The following SOX10 variants were observed in gnomAD, a reference collection of about 807,000 sequenced individuals.
SOX10 encodes the protein SRY-box transcription factor 10.
A neutral mutation model predicts 35.0 loss-of-function variants in SOX10; 3 were observed. That is an observed-to-expected ratio of 0.09 (90% CI 0.04 to 0.22). The LOEUF is 0.22. Among genes scored for constraint, SOX10 ranks in the 10% least tolerant of loss-of-function variants. SOX10 has a pLI of 1.00. For synonymous variants in SOX10, 285 were observed against 291.0 expected (o/e 0.98, Z 0.21); for missense variants, 436 against 655.1 (o/e 0.67, Z 3.65).
Position 37,974,249 on chromosome 22 carries a change from A to AG in SOX10, c.698-52dup. On this transcript the variant is annotated intron_variant, in intron 3 of 3. Coordinates refer to ENST00000396884, the MANE Select transcript of SOX10 (RefSeq NM_006941.4). This position sits in a 1 kb window ranked among gnomAD's most constrained non-coding sequence, Gnocchi z 5.4. ...AGAGCGCAAGGGGGAAGCAGGTTAGAGGCAGGTGGGCGCACGTGAACTTCC... is the reference window on the plus strand; with the variant it reads ...AGAGCGCAAGGGGGAAGCAGGTTAGAGGGCAGGTGGGCGCACGTGAACTTCC... 5 of 1,441,354 alleles carry AG rather than the reference A, an allele frequency of 3.5e-6. No homozygotes were observed. Among genetic ancestry groups the AG allele is most frequent in the Non-Finnish European group, 4.8e-6 (5 of 1,050,056 alleles). 89.3% of individuals were successfully genotyped at this position (1,441,354 alleles called of 1,614,324 possible).
At position 37,978,462 on chromosome 22, in the gene SOX10, A is replaced by C. The variant is rs1372407733; in HGVS notation, c.429-327T>G. On this transcript the variant is annotated intron_variant, in intron 2 of 3. Transcript: ENST00000396884. This position sits in a 1 kb window ranked among gnomAD's most constrained non-coding sequence, Gnocchi z 5.0. The stretch of plus-strand genomic sequence containing the variant: ...GTTTCAAGGGGCAGATGCCAGTTCA[A>C]GGAAAGGAAAAACTTTCTCATCATC... Among the ~76,000 whole-genome samples, 1 of 152,244 alleles carries C rather than the reference A, an allele frequency of 6.6e-6. No individual in the cohort carries two copies. The highest frequency in any genetic ancestry group is 1.5e-5 in the Non-Finnish European group (1 of 68,052).
At chr22:37,979,261 C>T (rs192026612) in intron 2 of SOX10, among the ~76,000 whole-genome samples, 2 of 147,402 alleles carry the variant, frequency 1.4e-5, no homozygotes, top group East Asian at 2.1e-4. Flanking sequence ...CCATGCCTGG[C>T]TAATTTTTGT....
intron 3 of SOX10, among the ~76,000 whole-genome samples, chr22:37,975,390 G>A (rs1046426682): frequency 9.2e-5 from 14 of 152,154 alleles, no homozygotes; most frequent in African/African-American, 3.1e-4. Flanking sequence ...TGTCTGAGTG[G>A]GGTGGGGCCT....
Position 37,973,484 on chromosome 22 carries a change from C to T in SOX10, c.*11G>A. 2 of 1,549,324 alleles carry T rather than the reference C, an allele frequency of 1.3e-6. No individual in the cohort carries two copies. The highest frequency in any genetic ancestry group is 1.8e-6 in the Non-Finnish European group (2 of 1,141,166). On this transcript the variant is annotated 3_prime_UTR_variant, in exon 4 of 4. Transcript: ENST00000396884. ...GGGGCTGGGCGGGGGGTGGTGGCGA[C>T]AGGGCCCCCTTTAGGGCCGGGACAG...
In SOX10 at chr22:37,980,917, CA is replaced by C. The variant is rs1932376835; in HGVS notation, c.428+2439del. Among the ~76,000 whole-genome samples, 1 of 152,316 alleles carries C rather than the reference CA, an allele frequency of 6.6e-6. No individual in the cohort carries two copies. Among genetic ancestry groups the C allele is most frequent in the South Asian group, 2.1e-4 (1 of 4,826 alleles). ...CTGGGAACAGAGGCTGGGTGACCCC[CA>C]CCACACAGGAGGGACTCTTGCCTGT... is the stretch of plus-strand genomic sequence containing the variant. On this transcript the variant is annotated intron_variant, in intron 2 of 3. Transcript: ENST00000396884. This position sits in a 1 kb window ranked among gnomAD's most constrained non-coding sequence, Gnocchi z 4.1.
intron 2 of SOX10, among the ~76,000 whole-genome samples, chr22:37,981,958 A>C (rs1168387025): frequency 6.6e-6 from 1 of 152,146 alleles, no homozygotes; most frequent in Non-Finnish European, 1.5e-5. Flanking sequence ...CGGGATGTGA[A>C]TCTTTTGGTC....
At position 37,983,823 on chromosome 22, in the gene SOX10, C is replaced by T. The variant is rs1289952577; in HGVS notation, c.-39G>A. ...GCCGCCGCCGCCGCCTCGGCCGCCT[C>T]CCCCGGGCCAGCCGCCGGGGTCCTC... On this transcript the variant is annotated 5_prime_UTR_variant, in exon 2 of 4. Coordinates refer to ENST00000396884, the MANE Select transcript of SOX10 (RefSeq NM_006941.4). The surrounding 1 kb of genome is among the most constrained non-coding windows in gnomAD (Gnocchi z 9.5). 10 of 1,371,954 alleles carry T rather than the reference C, an allele frequency of 7.3e-6. No homozygotes were observed. The Admixed American group carries it at 2.3e-4, about 32-fold the overall frequency. 85.0% of individuals were successfully genotyped at this position (1,371,954 alleles called of 1,614,324 possible).
At position 37,978,058 on chromosome 22, in the gene SOX10, G is replaced by A. The variant is rs2145768498; in HGVS notation, c.506C>T (p.Pro169Leu). ...RLRMQHKKDH[P>L]DYKYQPRRRK... is the part of the protein sequence containing the mutation. ...CCGCCTGGGCTGGTACTTGTAGTCC[G>A]GGTGGTCTTTCTTGTGCTGCATACG... The change falls in exon 3 of 4, where the codon CCG becomes CTG. Residue 169 changes from proline to leucine, a missense_variant. Physicochemically the swap from Pro to Leu is moderately conservative, Grantham distance 98. This residue lies in a region of SOX10 where 54 missense variants were observed against 156.7 expected (regional missense o/e 0.34). Transcript: ENST00000396884. This position sits in a 1 kb window ranked among gnomAD's most constrained non-coding sequence, Gnocchi z 5.0. 1 of 1,610,038 alleles carries A rather than the reference G, an allele frequency of 6.2e-7. No homozygotes were observed.
chr22:37,983,937 G>T lies in SOX10; in HGVS notation c.-84-69C>A. The stretch of plus-strand genomic sequence containing the variant: ...CCGAGGGCGGCCCGAGACAGGACGT[G>T]GGCACAGCCCCGAGGTGGCGGCCCT... On this transcript the variant is annotated intron_variant, in intron 1 of 3. Transcript: ENST00000396884. This position sits in a 1 kb window ranked among gnomAD's most constrained non-coding sequence, Gnocchi z 9.5. The T allele has an allele frequency of 2.0e-6, 1 of 509,538 alleles. No individual in the cohort carries two copies. The highest frequency in any genetic ancestry group is 4.0e-5 in the South Asian group (1 of 25,232). 31.6% of individuals were successfully genotyped at this position (509,538 alleles called of 1,614,324 possible).
intron 3 of SOX10, among the ~76,000 whole-genome samples, chr22:37,976,177 G>GGCACCGCT (rs1210419112): frequency 3.9e-5 from 6 of 152,112 alleles, no homozygotes; most frequent in Non-Finnish European, 5.9e-5. Context: ...GAACCAAGAT[G>GGCACCGCT]GCACCGCTGC....
Position 37,983,410 on chromosome 22 carries a change from C to A in SOX10, c.375G>T (p.Gln125His). 6.2e-7 allele frequency: 1 copy of A among 1,610,932 alleles called. No individual in the cohort carries two copies. The highest frequency in any genetic ancestry group is 8.5e-7 in the Non-Finnish European group (1 of 1,179,080). The change falls in exon 2 of 4, where the codon CAG (glutamine) becomes CAT (histidine). Residue 125 changes from glutamine to histidine, a missense_variant. By Grantham distance (24) the Gln-to-His change is conservative (BLOSUM62 0). Transcript: ENST00000396884. The surrounding 1 kb of genome is among the most constrained non-coding windows in gnomAD (Gnocchi z 9.5). ...AQAARRKLAD[Q>H]YPHLHNAELS... is the part of the protein sequence containing the mutation. ...GCTCAGCGTTGTGCAGGTGCGGGTA[C>A]TGGTCCGCGAGCTTCCTGCGCGCTG...
chr22:37,983,560 G>C lies in SOX10; in HGVS notation c.225C>G (p.Ala75=). 1 of 1,610,252 alleles carries C rather than the reference G, an allele frequency of 6.2e-7. No homozygotes were observed. Among genetic ancestry groups the C allele is most frequent in the South Asian group, 1.1e-5 (1 of 90,702 alleles). Residue 75 remains alanine (A), a synonymous_variant, in exon 2 of 4, where the codon GCC becomes GCG. Transcript: ENST00000396884. The surrounding 1 kb of genome is among the most constrained non-coding windows in gnomAD (Gnocchi z 9.5). ...DDKFPVCIRE[A]VSQVLSGYDW... is the part of the protein sequence containing the mutation. ...CGTAGCCGCTGAGCACCTGGCTGACGGCCTCGCGGATGCACACGGGGAACT... is the reference window on the plus strand; with the variant it reads ...CGTAGCCGCTGAGCACCTGGCTGACCGCCTCGCGGATGCACACGGGGAACT...
chr22:37,976,802 A>ATTAT (rs1386914914), intron 3 of SOX10, among the ~76,000 whole-genome samples: 1 of 152,198 alleles, frequency 6.6e-6, no homozygotes. Flanking sequence ...GTAGCTGCTC[A>ATTAT]ATTAAGGTTA....
chr22:37,982,679 GAA>G (rs1424774478), intron 2 of SOX10, among the ~76,000 whole-genome samples: 6 of 152,220 alleles, frequency 3.9e-5, no homozygotes, highest in Non-Finnish European at 8.8e-5. Context: ...GGAGAGGGAG[GAA>G]AGAGATCAGC....
Position 37,972,387 on chromosome 22 carries a change from G to T in SOX10, c.*1108C>A. 1 of 431,608 alleles carries T rather than the reference G, an allele frequency of 2.3e-6. No homozygotes were observed. Among genetic ancestry groups the T allele is most frequent in the South Asian group, 1.9e-5 (1 of 53,150 alleles). The allele number at this position is 431,608 out of a possible 1,614,324, so 26.7% of individuals were successfully genotyped here. The stretch of plus-strand genomic sequence containing the variant: ...AGGGGCTAGAGTGGCTAGGAGAGGG[G>T]ACTACTGAGATAAATAACAGGAGAC... On this transcript the variant is annotated 3_prime_UTR_variant, in exon 4 of 4. Transcript: ENST00000396884.
In SOX10 at chr22:37,973,239, A is replaced by G. The variant is rs1932112357; in HGVS notation, c.*256T>C. ...TTCCTGGGGGAAGGTGCAGCCCCTC[A>G]TCTTTCAGTGTGGGTGCAACAGTCA... On this transcript the variant is annotated 3_prime_UTR_variant, in exon 4 of 4. Transcript: ENST00000396884. 6.5e-6 allele frequency: 3 copies of G among 459,174 alleles called. No individual in the cohort carries two copies. The highest frequency in any genetic ancestry group is 3.9e-5 in the African/African-American group (2 of 50,720). 28.4% of individuals were successfully genotyped at this position (459,174 alleles called of 1,614,324 possible). A position where few individuals can be genotyped will look rare whatever the true frequency, so the allele number is the denominator to read the frequency against.
rs147817756 is a variant in SOX10 at position 37,973,771 on chromosome 22, G to A, written c.1125C>T (p.Thr375=). 256 of 1,596,118 alleles carry A rather than the reference G, an allele frequency of 1.6e-4. No individual in the cohort carries two copies. Among genetic ancestry groups the A allele is most frequent in the Non-Finnish European group, 1.9e-4 (220 of 1,168,772 alleles). ...GPPHYTDQPS[T]SQIAYTSLSL... ...TGAGGGAGGTGTAGGCGATCTGTGA[G>A]GTGGATGGCTGGTCGGTGTAGTGTG... The change falls in exon 4 of 4, where the codon ACC becomes ACT. Residue 375 remains threonine, a synonymous_variant. Coordinates refer to ENST00000396884, the MANE Select transcript of SOX10 (RefSeq NM_006941.4).
Position 37,983,561 on chromosome 22 carries a change from G to A in SOX10, c.224C>T (p.Ala75Val). 6.2e-7 allele frequency: 1 copy of A among 1,610,354 alleles called. No homozygotes were observed. The highest frequency in any genetic ancestry group is 8.5e-7 in the Non-Finnish European group (1 of 1,178,956). ...DDKFPVCIRE[A>V]VSQVLSGYDW... ...GTAGCCGCTGAGCACCTGGCTGACGGCCTCGCGGATGCACACGGGGAACTT... is the reference window on the plus strand; with the variant it reads ...GTAGCCGCTGAGCACCTGGCTGACGACCTCGCGGATGCACACGGGGAACTT... The change falls in exon 2 of 4, where the codon GCC becomes GTC. Residue 75 changes from alanine (A) to valine (V), a missense_variant. Physicochemically the swap from Ala to Val is moderately conservative, Grantham distance 64. This residue lies in a region of SOX10 where 54 missense variants were observed against 156.7 expected (regional missense o/e 0.34). Transcript: ENST00000396884. The surrounding 1 kb of genome is among the most constrained non-coding windows in gnomAD (Gnocchi z 9.5).
At chr22:37,981,466 G>A (rs1046747405) in intron 2 of SOX10, among the ~76,000 whole-genome samples, 1 of 152,226 alleles carries the variant, frequency 6.6e-6, no homozygotes, top group Admixed American at 6.5e-5. Context: ...CACAGCTTGA[G>A]TGATGGCCAA....
Sources: allele counts gnomAD v4.1 joint callset (sites outside exome capture counted in the v4.1 genomes callset), GRCh38; gene constraint gnomAD v4.1.1; regional missense constraint gnomAD v4.1.1; non-coding constraint Gnocchi (gnomAD v3.1); transcripts MANE v1.5; gene names NCBI Gene and HGNC (gene_info 2026-07-23, HGNC 2026-07-21).